SGCD: variants seen among roughly 807,000 people sequenced by gnomAD.
The protein encoded by SGCD is delta-sarcoglycan.
Under a neutral mutation model 36.6 loss-of-function variants are expected in SGCD, and 18 were observed. The ratio of observed to expected loss-of-function variants is 0.49; its 90% CI spans 0.34 to 0.73. The LOEUF is 0.73. Ranked by LOEUF, SGCD falls within the 30% of genes least tolerant of loss-of-function variation. The probability of loss-of-function intolerance (pLI) is 0.01; values close to 1 mark genes in which losing one functional copy is unlikely to be tolerated. For missense variants in SGCD, 387 were observed against 346.7 expected, an observed-to-expected ratio of 1.12 and a Z score of -0.92; for synonymous variants, 133 against 130.6, an observed-to-expected ratio of 1.02 and a Z score of -0.12.
intron 1 of SGCD, among the ~76,000 whole-genome samples, chr5:155,888,150 C>G (rs1321611422): frequency 1.3e-5 from 2 of 152,210 alleles, no homozygotes; most frequent in Admixed American, 6.5e-5. Context: ...ATCCCAGCTT[C>G]TACAAATCTC....
At chr5:156,705,807 C>G (rs914501471) in intron 7 of SGCD, among the ~76,000 whole-genome samples, 1 of 152,102 alleles carries the variant, frequency 6.6e-6, no homozygotes, top group Non-Finnish European at 1.5e-5. Flanking sequence ...TGAATAGTCC[C>G]TTACTAATTT....
At chr5:156,197,473 T>C (rs1251605372) in intron 3 of SGCD, among the ~76,000 whole-genome samples, 2 of 69,292 alleles carry the variant, frequency 2.9e-5, no homozygotes, top group East Asian at 1.1e-3. Flanking sequence ...ATAGTTTTCC[T>C]TTTTTTTTTT....
chr5:155,952,246 G>A (rs1344921943), intron 1 of SGCD, among the ~76,000 whole-genome samples: 1 of 152,096 alleles, frequency 6.6e-6, no homozygotes, highest in Non-Finnish European at 1.5e-5. Context: ...CCCCAAGGAG[G>A]AAGATGCTGA....
chr5:156,560,794 C>G (rs1256958848), intron 4 of SGCD, among the ~76,000 whole-genome samples: 3 of 152,128 alleles, frequency 2.0e-5, no homozygotes, highest in Non-Finnish European at 4.4e-5. Context: ...CCATTCAAAT[C>G]TGTGTCCTGC....
At chr5:156,334,786 T>C (rs376735768) in intron 2 of SGCD, among the ~76,000 whole-genome samples, 13 of 152,254 alleles carry the variant, frequency 8.5e-5, no homozygotes, top group African/African-American at 3.1e-4. Flanking sequence ...CTCATTGATA[T>C]ATCCCAGATG....
intron 3 of SGCD, among the ~76,000 whole-genome samples, chr5:156,256,759 C>G (rs1194900465): frequency 6.6e-6 from 1 of 152,140 alleles, no homozygotes; most frequent in Admixed American, 6.5e-5. Context: ...ATCTGTGGAT[C>G]TCTGGGAATC....
chr5:156,178,953 C>T (rs6877647), intron 3 of SGCD, among the ~76,000 whole-genome samples: 4,071 of 152,258 alleles, frequency 0.027, 188 homozygotes, highest in African/African-American at 0.092. Flanking sequence ...ATAGGTCCAA[C>T]GCATAGTCAC....
At chr5:156,002,435 CAAGT>C (rs1758683419) in intron 1 of SGCD, among the ~76,000 whole-genome samples, 1 of 152,178 alleles carries the variant, frequency 6.6e-6, no homozygotes, top group South Asian at 2.1e-4. Context: ...CAGTCCTCGC[CAAGT>C]AATATAGATG....
chr5:156,457,314 TA>T (rs1754305135), intron 3 of SGCD, among the ~76,000 whole-genome samples: 1 of 152,202 alleles, frequency 6.6e-6, no homozygotes, highest in African/African-American at 2.4e-5. Flanking sequence ...CTGACATATA[TA>T]AAAGGGCAAC....
intron 4 of SGCD, among the ~76,000 whole-genome samples, chr5:156,528,522 C>A (rs1022867093): frequency 3.3e-5 from 5 of 152,068 alleles, no homozygotes; most frequent in African/African-American, 1.2e-4. Context: ...CTCTAAGAAG[C>A]TTTTGGAGAG....
rs116582021 is a variant in SGCD at position 156,300,777 on chromosome 5, T to C, written c.-43-28757T>C. On this transcript the variant is annotated intron_variant, in intron 3 of 9. Coordinates refer to the SGCD transcript ENST00000517913. ...TCTTTAGTTCTAATATTATTTGCTT[T>C]GTATATCTGAGCGCTCCATTCTTGG... Among the ~76,000 whole-genome samples, 378 of 152,240 alleles carry C rather than the reference T, an allele frequency of 2.5e-3. 1 individual carries two copies. Among genetic ancestry groups the C allele is most frequent in the African/African-American group, 8.8e-3 (367 of 41,586 alleles).
At chr5:156,365,507 G>A (rs528228904) in intron 3 of SGCD, among the ~76,000 whole-genome samples, 1 of 152,312 alleles carries the variant, frequency 6.6e-6, no homozygotes, top group South Asian at 2.1e-4. Context: ...TCCAGTGTCA[G>A]TAGCAACTGG....
chr5:156,448,656 A>T (rs1200521365), intron 3 of SGCD, among the ~76,000 whole-genome samples: 1 of 150,418 alleles, frequency 6.6e-6, no homozygotes, highest in Admixed American at 6.6e-5. Flanking sequence ...CAGGCAACTC[A>T]TGGTGATGTG....
the SGCD span, among the ~76,000 whole-genome samples, chr5:155,791,038 A>G: frequency 1.3e-5 from 2 of 152,156 alleles, no homozygotes; most frequent in African/African-American, 4.8e-5. Context: ...AGTAGAAAAT[A>G]TGGATAATCA....
chr5:156,280,568 C>T (rs1294305779), intron 3 of SGCD, among the ~76,000 whole-genome samples: 1 of 152,182 alleles, frequency 6.6e-6, no homozygotes, highest in Non-Finnish European at 1.5e-5. Context: ...TATTTCTTCT[C>T]TCTTTGGGTT....
rs1561630358 is a variant in SGCD, at chr5:156,340,166, A to ATG, written c.4-4322_4-4321insGT. On this transcript the variant is annotated intron_variant, in intron 2 of 8. Coordinates refer to ENST00000337851, the MANE Select transcript of SGCD (RefSeq NM_000337.6). ...ACACATATGGAACATTTATGATTATATATGCCAAATTCAATGTACAATGTA... is the reference window on the plus strand; with the variant it reads ...ACACATATGGAACATTTATGATTATATGTATGCCAAATTCAATGTACAATGTA... 2.6e-5 allele frequency among the ~76,000 whole-genome samples: 4 copies of ATG among 152,234 alleles called. No homozygotes were observed. The East Asian group carries it at 7.7e-4, about 29-fold the overall frequency.
intron 3 of SGCD, among the ~76,000 whole-genome samples, chr5:156,401,838 T>C (rs1451563213): frequency 6.6e-6 from 1 of 152,158 alleles, no homozygotes; most frequent in Non-Finnish European, 1.5e-5. Flanking sequence ...CGACATTAAG[T>C]ACATGCATAT....
chr5:156,736,461 T>C (rs968797261), intron 7 of SGCD, among the ~76,000 whole-genome samples: 4 of 149,780 alleles, frequency 2.7e-5, no homozygotes, highest in African/African-American at 1.0e-4. Flanking sequence ...TTTGTATAAC[T>C]TTTGAAGCTG....
chr5:156,648,309 T>C (rs1488222097), intron 7 of SGCD, among the ~76,000 whole-genome samples: 2 of 151,746 alleles, frequency 1.3e-5, no homozygotes, highest in Non-Finnish European at 2.9e-5. Flanking sequence ...AAAGCAATCA[T>C]AAATCGCCAT....
Sources: gnomAD v4.1 joint callset for allele counts (sites outside exome capture counted in the v4.1 genomes callset) on GRCh38, gnomAD v4.1.1 for gene constraint, MANE v1.5 for transcripts, NCBI Gene and HGNC (gene_info 2026-07-23, HGNC 2026-07-21) for gene names.